DIP2C: variants seen among roughly 807,000 people sequenced by gnomAD.
DIP2C encodes the protein DIP2 acetate--CoA ligase C (putative), also known as disco-interacting protein 2 homolog C.
In DIP2C, 33 loss-of-function variants were observed where a neutral mutation model predicts 192.4. The observed-to-expected ratio is 0.17, with a 90% confidence interval of 0.13 to 0.23. The LOEUF (loss-of-function observed/expected upper bound fraction) is 0.23. Among genes scored for constraint, DIP2C ranks in the 10% least tolerant of loss-of-function variants. The pLI is 1.00. For synonymous variants in DIP2C, 979 were observed against 864.1 expected, an observed-to-expected ratio of 1.13 and a Z score of -2.33; for missense variants, 1,537 against 2,110.1, an observed-to-expected ratio of 0.73 and a Z score of 5.32.
chr10:624,443 C>G (rs1365544874), intron 1 of DIP2C, among the ~76,000 whole-genome samples: 3 of 152,238 alleles, frequency 2.0e-5, no homozygotes, highest in Non-Finnish European at 2.9e-5. Context: ...GCCCGCTCAG[C>G]TCCACATCCA....
chr10:676,469 A>G (rs1437284583), intron 1 of DIP2C, among the ~76,000 whole-genome samples: 1 of 150,876 alleles, frequency 6.6e-6, no homozygotes, highest in Non-Finnish European at 1.5e-5. Flanking sequence ...AGGAGCTCTA[A>G]TTGTCTGTTT....
At chr10:341,483 G>GGCTGTTTTGAACGCATC (rs1958145290) in intron 28 of DIP2C, among the ~76,000 whole-genome samples, 154 bp from the exon 29 acceptor site, 3 of 151,776 alleles carry the variant, frequency 2.0e-5, no homozygotes, top group Non-Finnish European at 2.9e-5. Flanking sequence ...CTGAACGCAA[G>GGCTGTTTTGAACGCATC]GCTGTTTTGA....
At chr10:295,078 C>T (rs1014863990) in intron 32 of DIP2C, among the ~76,000 whole-genome samples, 1 of 151,270 alleles carries the variant, frequency 6.6e-6, no homozygotes, top group Admixed American at 6.6e-5. Flanking sequence ...CTCAACATCA[C>T]AAATCATCAG....
At chr10:500,778 A>C (rs1260420718) in intron 1 of DIP2C, among the ~76,000 whole-genome samples, 1 of 152,266 alleles carries the variant, frequency 6.6e-6, no homozygotes, top group African/African-American at 2.4e-5. Flanking sequence ...AGCAATGGAT[A>C]ACAAAACAAG....
At chr10:619,792 C>G (rs2131830192) in intron 1 of DIP2C, among the ~76,000 whole-genome samples, 1 of 152,272 alleles carries the variant, frequency 6.6e-6, no homozygotes, top group East Asian at 1.9e-4. Flanking sequence ...AGGCTGGGCT[C>G]TGCAGCGCCA....
intron 1 of DIP2C, among the ~76,000 whole-genome samples, chr10:583,381 T>G (rs1850787093): frequency 6.6e-6 from 1 of 152,244 alleles, no homozygotes; most frequent in South Asian, 2.1e-4. Flanking sequence ...GGGAGCCTGT[T>G]TGGTACCTGC....
intron 30 of DIP2C, 99 bp from the exon 31 acceptor site, chr10:327,275 A>C (rs1268122042): frequency 1.4e-6 from 2 of 1,381,904 alleles, no homozygotes; most frequent in Non-Finnish European, 1.9e-6. Context: ...ACATTGGAAA[A>C]CTCAACACAG....
chr10:362,269 C>G lies in DIP2C; in HGVS notation c.2794+221G>C, dbSNP rs985291747. Among the ~76,000 whole-genome samples, 3 of 152,316 alleles carry G rather than the reference C, an allele frequency of 2.0e-5. No homozygotes were observed. In the South Asian group the frequency reaches 6.2e-4, roughly 32 times the overall value. The stretch of plus-strand genomic sequence containing the variant: ...AGTAAGTTACGTGCTGACGACCACA[C>G]TAACACCCCTGAGCCTACAGAGAAT... On this transcript the variant is annotated intron_variant, in intron 22 of 36. Coordinates refer to ENST00000280886, the MANE Select transcript of DIP2C (RefSeq NM_014974.3).
chr10:500,019 G>A (rs1845115525), intron 1 of DIP2C, among the ~76,000 whole-genome samples: 1 of 152,184 alleles, frequency 6.6e-6, no homozygotes, highest in South Asian at 2.1e-4. Context: ...GGATTTTGAA[G>A]GCAGACAGGG....
At chr10:429,118 A>G (rs1966774156) in intron 4 of DIP2C, among the ~76,000 whole-genome samples, 1 of 152,212 alleles carries the variant, frequency 6.6e-6, no homozygotes, top group African/African-American at 2.4e-5. Context: ...GGTCTGGACA[A>G]ATGTATAACA....
chr10:338,038 G>T (rs966481414), intron 29 of DIP2C, among the ~76,000 whole-genome samples: 6 of 152,144 alleles, frequency 3.9e-5, no homozygotes, highest in African/African-American at 1.4e-4. Flanking sequence ...ATGTGTATGC[G>T]TGTATATATT....
At chr10:499,570 T>C (rs1485842890) in intron 1 of DIP2C, among the ~76,000 whole-genome samples, 1 of 152,076 alleles carries the variant, frequency 6.6e-6, no homozygotes, top group Admixed American at 6.6e-5. Context: ...TAGTACCATA[T>C]AATATCTGAC....
chr10:398,681 A>C lies in DIP2C; in HGVS notation c.1260+428T>G, dbSNP rs189538312. Among the ~76,000 whole-genome samples, 10 of 152,340 alleles carry C rather than the reference A, an allele frequency of 6.6e-5. No individual in the cohort carries two copies. In the East Asian group the frequency reaches 1.5e-3, roughly 23 times the overall value. The stretch of plus-strand genomic sequence containing the variant: ...TACATTGGATTAAACAATAATTACA[A>C]TGGCAAGTTTAGTAGCTTATTTTCA... On this transcript the variant is annotated intron_variant, in intron 10 of 36. Coordinates refer to ENST00000280886, the MANE Select transcript of DIP2C (RefSeq NM_014974.3).
intron 1 of DIP2C, chr10:668,143 AAC>A (rs1294799559): frequency 6.6e-6 from 1 of 152,068 alleles, no homozygotes; most frequent in African/African-American, 2.4e-5. Context: ...TATACAACAC[AAC>A]ACTCATACAA....
chr10:381,364 ACT>A (rs1223410850), intron 17 of DIP2C, among the ~76,000 whole-genome samples: 1 of 152,210 alleles, frequency 6.6e-6, no homozygotes, highest in African/African-American at 2.4e-5. Context: ...TTTTCAGGAC[ACT>A]GTCATTTCTA....
rs1215729889 is a variant in DIP2C at position 422,863 on chromosome 10, C to A, written c.565G>T (p.Ala189Ser). 2 of 1,612,852 alleles carry A rather than the reference C, an allele frequency of 1.2e-6. No homozygotes were observed. Among genetic ancestry groups the A allele is most frequent in the Non-Finnish European group, 1.7e-6 (2 of 1,179,986 alleles). The part of the protein sequence containing the change: ...SSTQSGGSGA[A>S]HRLADVMAQT... ...GCCATGACGTCCGCCAGCCTGTGGG[C>A]AGCCCCGCTGCCCCCGCTCTGCGTA... The change falls in exon 5 of 37, where the codon GCC becomes TCC. Residue 189 changes from alanine (A) to serine (S), a missense_variant. Ala to Ser is a moderately conservative substitution (Grantham distance 99, BLOSUM62 1). Around this residue, in one of 4 missense-constraint regions of DIP2C, gnomAD observed 473 missense variants for 539.6 expected, o/e 0.88. Coordinates refer to ENST00000280886, the MANE Select transcript of DIP2C (RefSeq NM_014974.3).
In DIP2C at chr10:653,888, C is replaced by T. The variant is rs559586207; in HGVS notation, c.85+35606G>A. On this transcript the variant is annotated intron_variant, in intron 1 of 36. Transcript: ENST00000280886. ...TTGAGAAAGACACTCAGAAGAGACG[C>T]ACCAACTCTTACCTGGGAGAGACAC... Among the ~76,000 whole-genome samples the T allele has an allele frequency of 2.0e-5, 3 of 152,332 alleles. No homozygotes were observed. The South Asian group carries it at 6.2e-4, about 32-fold the overall frequency.
At chr10:462,516 A>C (rs1969876449) in intron 3 of DIP2C, among the ~76,000 whole-genome samples, 2 of 152,246 alleles carry the variant, frequency 1.3e-5, no homozygotes, top group African/African-American at 4.8e-5. Flanking sequence ...AAGTTCTGAA[A>C]TTGAGGCAGG....
At position 663,232 on chromosome 10, in the gene DIP2C, T is replaced by C. The variant is rs529826010; in HGVS notation, c.85+26262A>G. 3.9e-5 allele frequency: 12 copies of C among 307,342 alleles called. No individual in the cohort carries two copies. In the East Asian group the frequency reaches 6.0e-4, roughly 15 times the overall value. 19.0% of individuals were successfully genotyped at this position (307,342 alleles called of 1,614,324 possible). On this transcript the variant is annotated intron_variant, in intron 1 of 36. Transcript: ENST00000280886. ...CAAGAAAGCAAGGATGCCAACTAAA[T>C]GAATAGAAAGATCTACAAGGGAAGG...
Sources: allele counts gnomAD v4.1 joint callset (sites outside exome capture counted in the v4.1 genomes callset), GRCh38; gene constraint gnomAD v4.1.1; regional missense constraint gnomAD v4.1.1; transcripts MANE v1.5; gene names NCBI Gene and HGNC (gene_info 2026-07-23, HGNC 2026-07-21).